Variants in ZMIZ1 observed in about 807,000 individuals in gnomAD.
ZMIZ1 encodes the protein zinc finger MIZ-type containing 1.
ZMIZ1 carries 17 observed loss-of-function variants against 113.9 expected under a neutral mutation model. The ratio of observed to expected loss-of-function variants is 0.15; its 90% CI spans 0.10 to 0.22. The LOEUF (loss-of-function observed/expected upper bound fraction) is 0.22. Among genes scored for constraint, ZMIZ1 ranks in the 10% least tolerant of loss-of-function variants. The pLI is 1.00. For synonymous variants in ZMIZ1, 607 were observed against 603.1 expected, an observed-to-expected ratio of 1.01 and a Z score of -0.09; for missense variants, 1,059 against 1,477.8, an observed-to-expected ratio of 0.72 and a Z score of 4.65.
intron 12 of ZMIZ1, chr10:79,293,956 C>T (rs930532029): frequency 2.4e-5 from 12 of 507,368 alleles, no homozygotes; most frequent in Non-Finnish European, 3.6e-5. Context: ...GTTCCTCTTA[C>T]TGTAGTGACT....
In ZMIZ1 at chr10:79,084,782, C is replaced by T. The variant is rs373623972; in HGVS notation, c.-337+15512C>T. 4.8e-4 allele frequency among the ~76,000 whole-genome samples: 67 copies of T among 139,408 alleles called. 1 individual carries two copies. The highest frequency in any genetic ancestry group is 1.6e-3 in the African/African-American group (59 of 38,040). The allele number at this position is 139,408 out of a possible 152,430, so 91.5% of individuals were successfully genotyped here. ...AGCAACTCCAGAATCCTAGGGTCAG[C>T]GGCTGGGCTGGCCGTTGATGATTGA... On this transcript the variant is annotated intron_variant, in intron 1 of 24. Coordinates refer to ENST00000334512, the MANE Select transcript of ZMIZ1 (RefSeq NM_020338.4).
chr10:79,170,702 A>G (rs575602733), intron 4 of ZMIZ1, among the ~76,000 whole-genome samples: 42 of 152,322 alleles, frequency 2.8e-4, no homozygotes, highest in African/African-American at 9.9e-4. Flanking sequence ...AGCCTGCAGC[A>G]TTGGAACTGC....
intron 7 of ZMIZ1, among the ~76,000 whole-genome samples, chr10:79,269,971 C>T (rs1437671885): frequency 6.6e-6 from 1 of 152,240 alleles, no homozygotes; most frequent in African/African-American, 2.4e-5. Flanking sequence ...CCACCCTCCT[C>T]ACCTGGCACT....
intron 4 of ZMIZ1, among the ~76,000 whole-genome samples, chr10:79,197,199 T>C (rs1489387930): frequency 6.6e-6 from 1 of 152,170 alleles, no homozygotes; most frequent in Non-Finnish European, 1.5e-5. Context: ...GGGATGGGTC[T>C]CCCTGTCCTG....
intron 2 of ZMIZ1, among the ~76,000 whole-genome samples, chr10:79,121,516 C>T (rs1396628730): frequency 1.3e-5 from 2 of 152,248 alleles, no homozygotes; most frequent in Non-Finnish European, 2.9e-5. Context: ...CTAGTAACTT[C>T]CTCTCCACAA....
At position 79,296,515 on chromosome 10, in the gene ZMIZ1, C is replaced by T; in HGVS notation, c.1275C>T (p.Pro425=). The stretch of plus-strand genomic sequence containing the variant: ...AATATGGACCAAACAGCCAGTTCCC[C>T]ACCCAGCCAGGCCAGTACCCAGCCC... The part of the protein sequence containing the change: ...NQQYGPNSQF[P]TQPGQYPAPN... Residue 425 remains proline, a synonymous_variant, in exon 13 of 25, where the codon CCC becomes CCT. Transcript: ENST00000334512. This position sits in a 1 kb window ranked among gnomAD's most constrained non-coding sequence, Gnocchi z 4.1. The T allele has an allele frequency of 6.2e-7, 1 of 1,614,084 alleles. No homozygotes were observed. Among genetic ancestry groups the T allele is most frequent in the East Asian group, 2.2e-5 (1 of 44,884 alleles).
intron 1 of ZMIZ1, among the ~76,000 whole-genome samples, chr10:79,085,475 C>T (rs1026658354): frequency 2.6e-5 from 4 of 152,246 alleles, no homozygotes; most frequent in African/African-American, 9.6e-5. Context: ...CTGCCTGGCA[C>T]TCAGGTGCCG....
At chr10:79,091,257 A>T (rs746452516) in intron 1 of ZMIZ1, among the ~76,000 whole-genome samples, 3 of 152,024 alleles carry the variant, frequency 2.0e-5, no homozygotes, top group South Asian at 2.1e-4. Context: ...TTGTGAGTAC[A>T]TAAGTAGGTA....
intron 7 of ZMIZ1, among the ~76,000 whole-genome samples, chr10:79,222,830 G>A (rs918947303): frequency 6.6e-6 from 1 of 152,196 alleles, no homozygotes; most frequent in Admixed American, 6.5e-5. Context: ...AAGGGCCCTG[G>A]AGAGTGCTCC....
intron 1 of ZMIZ1, among the ~76,000 whole-genome samples, chr10:79,114,106 C>T (rs1455391433): frequency 6.6e-6 from 1 of 152,184 alleles, no homozygotes; most frequent in African/African-American, 2.4e-5. Flanking sequence ...ACTGGGGTGG[C>T]CCCCTCCATT....
intron 7 of ZMIZ1, among the ~76,000 whole-genome samples, chr10:79,216,722 A>G (rs749413864): frequency 6.6e-5 from 10 of 152,250 alleles, no homozygotes; most frequent in Non-Finnish European, 1.3e-4. Flanking sequence ...CCTGTACTTC[A>G]GAGTCAGCAT....
chr10:79,288,190 TCAGCC>T (rs1239645787), intron 8 of ZMIZ1, among the ~76,000 whole-genome samples: 2 of 152,174 alleles, frequency 1.3e-5, no homozygotes, highest in African/African-American at 4.8e-5. Context: ...TGCCAAGAGC[TCAGCC>T]GGGCAAGGCA....
At chr10:79,243,488 G>C (rs979142857) in intron 7 of ZMIZ1, among the ~76,000 whole-genome samples, 5 of 148,096 alleles carry the variant, frequency 3.4e-5, no homozygotes, top group South Asian at 2.1e-4. Context: ...AGCAGCGAGC[G>C]GGAGCGCGGG....
intron 7 of ZMIZ1, among the ~76,000 whole-genome samples, chr10:79,254,203 C>T (rs1850733813): frequency 2.0e-5 from 3 of 152,308 alleles, no homozygotes; most frequent in Admixed American, 1.3e-4. Flanking sequence ...CAGCCAGGGG[C>T]GCCCCTGTTC....
intron 3 of ZMIZ1, among the ~76,000 whole-genome samples, chr10:79,143,949 T>C (rs1845376696): frequency 1.3e-5 from 2 of 152,258 alleles, no homozygotes; most frequent in South Asian, 4.2e-4. Flanking sequence ...AGGCAGGGAC[T>C]TGTGGACCTC....
At chr10:79,298,272 T>G in intron 14 of ZMIZ1, 134 bp from the exon 15 acceptor site, 6 of 1,016,706 alleles carry the variant, frequency 5.9e-6, no homozygotes, top group Non-Finnish European at 8.6e-6. Context: ...GAGAGAAGAG[T>G]TTCCCTGGAG....
chr10:79,216,070 C>A, intron 6 of ZMIZ1, 99 bp from the exon 7 acceptor site: 1 of 727,732 alleles, frequency 1.4e-6, no homozygotes, highest in Non-Finnish European at 2.1e-6. Flanking sequence ...TGGGGCACTG[C>A]CTTAGCTTGC....
At chr10:79,131,874 C>T (rs4980031) in intron 2 of ZMIZ1, among the ~76,000 whole-genome samples, 26,911 of 152,090 alleles carry the variant, frequency 0.18, 2,884 homozygotes, top group East Asian at 0.39. Flanking sequence ...AGAAGTGGTG[C>T]GGTGTGATCT....
intron 5 of ZMIZ1, among the ~76,000 whole-genome samples, chr10:79,203,526 G>C (rs1306488551): frequency 1.3e-5 from 2 of 152,144 alleles, no homozygotes; most frequent in East Asian, 3.9e-4. Context: ...TCAGCTGGCA[G>C]GGGCCCCGCC....
Sources: allele counts gnomAD v4.1 joint callset (sites outside exome capture counted in the v4.1 genomes callset), GRCh38; gene constraint gnomAD v4.1.1; non-coding constraint Gnocchi (gnomAD v3.1); transcripts MANE v1.5; gene names NCBI Gene and HGNC (gene_info 2026-07-23, HGNC 2026-07-21).